ST6GALNAC5: variants seen among roughly 807,000 people sequenced by gnomAD.
The protein encoded by ST6GALNAC5 is alpha-N-acetylgalactosaminide alpha-2,6-sialyltransferase 5.
A neutral mutation model predicts 33.6 loss-of-function variants in ST6GALNAC5; 27 were observed. The ratio of observed to expected loss-of-function variants is 0.80; its 90% CI spans 0.59 to 1.11. The LOEUF (loss-of-function observed/expected upper bound fraction) is 1.11, where lower values mean the gene tolerates loss of function less well. Among genes scored for constraint, ST6GALNAC5 ranks in the 50% least tolerant of loss-of-function variants. The pLI is 0.00. For missense variants in ST6GALNAC5, 428 were observed against 454.0 expected (o/e 0.94, Z 0.52); for synonymous variants, 194 against 171.2 (o/e 1.13, Z -1.04).
At chr1:77,018,348 A>G (rs1414652574) in intron 2 of ST6GALNAC5, among the ~76,000 whole-genome samples, 1 of 152,230 alleles carries the variant, frequency 6.6e-6, no homozygotes, top group Non-Finnish European at 1.5e-5. Context: ...CAGCACAGGC[A>G]TCTTCTGAGT....
chr1:76,909,402 G>C (rs1167346510), intron 2 of ST6GALNAC5, among the ~76,000 whole-genome samples: 1 of 152,054 alleles, frequency 6.6e-6, no homozygotes, highest in Non-Finnish European at 1.5e-5. Flanking sequence ...TTGCAGGGTT[G>C]TTATGAAGTA....
Position 76,868,569 on chromosome 1 carries a change from G to C in ST6GALNAC5, c.88G>C (p.Gly30Arg). ...CTTGTTGCTAGTGTACAGCAGCCTC[G>C]GCGGCCAGAAGGAGCGGCCCCCGCA... is the stretch of plus-strand genomic sequence containing the variant. ...TSLLLVYSSL[G>R]GQKERPPQQQ... The change falls in exon 2 of 5, where the codon GGC becomes CGC. Residue 30 changes from glycine (G) to arginine (R), a missense_variant. By Grantham distance (125) the Gly-to-Arg change is moderately radical. Transcript: ENST00000477717. This position sits in a 1 kb window ranked among gnomAD's most constrained non-coding sequence, Gnocchi z 4.3. 2 of 1,613,122 alleles carry C rather than the reference G, an allele frequency of 1.2e-6. No homozygotes were observed. Among genetic ancestry groups the C allele is most frequent in the South Asian group, 1.1e-5 (1 of 91,048 alleles).
chr1:77,062,934 A>T (rs920249769), intron 4 of ST6GALNAC5, 41 bp from the exon 5 acceptor site: 151 of 1,558,008 alleles, frequency 9.7e-5, no homozygotes, highest in East Asian at 4.5e-4. Flanking sequence ...AGGAAAAAAA[A>T]TTTTTTTGCT....
chr1:77,033,361 C>T (rs1169441980), intron 2 of ST6GALNAC5, among the ~76,000 whole-genome samples: 1 of 152,154 alleles, frequency 6.6e-6, no homozygotes, highest in African/African-American at 2.4e-5. Context: ...TGGCAGGGAA[C>T]AGACAATACA....
chr1:76,936,510 A>G (rs896802048), intron 2 of ST6GALNAC5, among the ~76,000 whole-genome samples: 1 of 152,072 alleles, frequency 6.6e-6, no homozygotes, highest in Admixed American at 6.6e-5. Context: ...GCCAGTGTGA[A>G]TGAGCCCTTC....
At chr1:77,029,779 A>T (rs999381624) in intron 2 of ST6GALNAC5, among the ~76,000 whole-genome samples, 1 of 152,258 alleles carries the variant, frequency 6.6e-6, no homozygotes, top group Non-Finnish European at 1.5e-5. Context: ...TTTTACGAGC[A>T]AATGAGGCTT....
At chr1:77,026,834 AAT>A (rs1651257946) in intron 2 of ST6GALNAC5, among the ~76,000 whole-genome samples, 1 of 146,082 alleles carries the variant, frequency 6.8e-6, no homozygotes. Context: ...TGAATGAATG[AAT>A]GAAAATGTGT....
At chr1:76,959,800 GCAGTGACTACTTCCTTGT>G (rs1481648176) in intron 2 of ST6GALNAC5, among the ~76,000 whole-genome samples, 2 of 152,186 alleles carry the variant, frequency 1.3e-5, no homozygotes, top group African/African-American at 4.8e-5. Flanking sequence ...CTTCTCATGA[GCAGTGACTACTTCCTTGT>G]CTCAGAGGAC....
At position 76,907,347 on chromosome 1, in the gene ST6GALNAC5, C is replaced by T. The variant is rs1040821281; in HGVS notation, c.261+38605C>T. 3.3e-5 allele frequency among the ~76,000 whole-genome samples: 5 copies of T among 152,138 alleles called. No homozygotes were observed. In the East Asian group the frequency reaches 9.7e-4, roughly 29 times the overall value. Reference sequence around the variant, plus strand: ...CTCCTGTTCCTATTATCTCTGAGAACACCCAACCCTGCTTGGTGGCAGCAA... The same window carrying T: ...CTCCTGTTCCTATTATCTCTGAGAATACCCAACCCTGCTTGGTGGCAGCAA... On this transcript the variant is annotated intron_variant, in intron 2 of 4. Coordinates refer to ENST00000477717, the MANE Select transcript of ST6GALNAC5 (RefSeq NM_030965.3).
At chr1:76,956,438 G>A (rs1462895090) in intron 2 of ST6GALNAC5, among the ~76,000 whole-genome samples, 1 of 152,112 alleles carries the variant, frequency 6.6e-6, no homozygotes, top group Non-Finnish European at 1.5e-5. Context: ...CTGAATTCAG[G>A]CCCAGTAAGA....
In ST6GALNAC5 at chr1:77,040,114, C is replaced by T. The variant is rs538939598; in HGVS notation, c.262-4090C>T. Among the ~76,000 whole-genome samples, 4 of 152,224 alleles carry T rather than the reference C, an allele frequency of 2.6e-5. No individual in the cohort carries two copies. The East Asian group carries it at 5.8e-4, about 22-fold the overall frequency. ...TGTACCAAATCATGAGGAACAGGGT[C>T]GCACAATTTGTACAATTTTTTGCCA... On this transcript the variant is annotated intron_variant, in intron 2 of 4. Coordinates refer to ENST00000477717, the MANE Select transcript of ST6GALNAC5 (RefSeq NM_030965.3).
chr1:76,991,132 A>G (rs956613418), intron 2 of ST6GALNAC5, among the ~76,000 whole-genome samples: 1 of 152,074 alleles, frequency 6.6e-6, no homozygotes, highest in Admixed American at 6.6e-5. Flanking sequence ...TCCTCCTATG[A>G]TGGGGGGAAG....
chr1:76,931,669 C>G (rs927100732), intron 2 of ST6GALNAC5, among the ~76,000 whole-genome samples: 6 of 152,048 alleles, frequency 3.9e-5, no homozygotes, highest in African/African-American at 1.4e-4. Context: ...ATATGTTGAT[C>G]TGATATAACT....
intron 2 of ST6GALNAC5, among the ~76,000 whole-genome samples, chr1:77,021,421 G>A (rs968644788): frequency 1.3e-5 from 2 of 152,066 alleles, no homozygotes; most frequent in African/African-American, 2.4e-5. Context: ...TTCCCAAATA[G>A]TACAGGTAAG....
At position 77,032,002 on chromosome 1, in the gene ST6GALNAC5, T is replaced by C. The variant is rs183845145; in HGVS notation, c.262-12202T>C. 3.4e-3 allele frequency among the ~76,000 whole-genome samples: 511 copies of C among 152,296 alleles called. 4 individuals are homozygous for C. Among genetic ancestry groups the C allele is most frequent in the South Asian group, 8.9e-3 (43 of 4,824 alleles). ...AGAAAGTGATGCTTTGAATGGGAGATGAAGGAGTTCCAAAAATCATAGACA... is the reference window on the plus strand; with the variant it reads ...AGAAAGTGATGCTTTGAATGGGAGACGAAGGAGTTCCAAAAATCATAGACA... On this transcript the variant is annotated intron_variant, in intron 2 of 4. Transcript: ENST00000477717.
Position 76,868,804 on chromosome 1 carries a change from T to TC in ST6GALNAC5, c.261+67dup, listed in dbSNP as rs1653427359. 1.4e-6 allele frequency: 2 copies of TC among 1,431,722 alleles called. No individual in the cohort carries two copies. Among genetic ancestry groups the TC allele is most frequent in the South Asian group, 1.5e-5 (1 of 66,764 alleles). 88.7% of individuals were successfully genotyped at this position (1,431,722 alleles called of 1,614,324 possible). On this transcript the variant is annotated intron_variant, in intron 2 of 4. Coordinates refer to ENST00000477717, the MANE Select transcript of ST6GALNAC5 (RefSeq NM_030965.3). This position sits in a 1 kb window ranked among gnomAD's most constrained non-coding sequence, Gnocchi z 4.3. Reference sequence around the variant, plus strand: ...CTGGGGATCCCGCACACCTGAGCCTTCCCCCTTTCCCGGGGCTGGGAGGCG... The same window carrying TC: ...CTGGGGATCCCGCACACCTGAGCCTTCCCCCCTTTCCCGGGGCTGGGAGGCG...
Position 76,879,330 on chromosome 1 carries a change from CT to C in ST6GALNAC5, c.261+10589del, listed in dbSNP as rs1653724209. On this transcript the variant is annotated intron_variant, in intron 2 of 4. Transcript: ENST00000477717. ...ATAAACTATTAGAACCTTTTTTTAA[CT>C]CCCTGAGCTGCAGTATTAAAAGCAG... is the stretch of plus-strand genomic sequence containing the variant. Among the ~76,000 whole-genome samples the C allele has an allele frequency of 2.6e-5, 4 of 152,202 alleles. No homozygotes were observed. In the South Asian group the frequency reaches 8.3e-4, roughly 32 times the overall value.
At chr1:76,950,450 A>C (rs968902780) in intron 2 of ST6GALNAC5, among the ~76,000 whole-genome samples, 6 of 152,176 alleles carry the variant, frequency 3.9e-5, no homozygotes, top group African/African-American at 1.4e-4. Flanking sequence ...GGTGACATAC[A>C]GCTCAGTTGT....
intron 2 of ST6GALNAC5, among the ~76,000 whole-genome samples, chr1:76,880,805 A>G (rs1029896727): frequency 1.3e-5 from 2 of 152,222 alleles, no homozygotes; most frequent in African/African-American, 4.8e-5. Flanking sequence ...GACACTTAGC[A>G]TTAACTATCA....
Sources: gnomAD v4.1 joint callset for allele counts (sites outside exome capture counted in the v4.1 genomes callset) on GRCh38, gnomAD v4.1.1 for gene constraint, Gnocchi (gnomAD v3.1) non-coding constraint, MANE v1.5 for transcripts, NCBI Gene and HGNC (gene_info 2026-07-23, HGNC 2026-07-21) for gene names.